The following ANKRD28 variants were observed in gnomAD, a reference collection of about 807,000 sequenced individuals.
ANKRD28 encodes the protein serine/threonine-protein phosphatase 6 regulatory ankyrin repeat subunit A.
ANKRD28 carries 44 observed loss-of-function variants against 126.5 expected under a neutral mutation model. The ratio of observed to expected loss-of-function variants is 0.35; its 90% CI spans 0.27 to 0.45. The LOEUF is 0.45. Among genes scored for constraint, ANKRD28 ranks in the 20% least tolerant of loss-of-function variants. The pLI is 1.00. For missense variants in ANKRD28, 1,110 were observed against 1,316.6 expected (o/e 0.84, Z 2.43); for synonymous variants, 442 against 468.5 (o/e 0.94, Z 0.73).
intron 4 of ANKRD28, among the ~76,000 whole-genome samples, chr3:15,743,165 T>A (rs532007233): frequency 2.6e-5 from 4 of 152,214 alleles, no homozygotes; most frequent in South Asian, 4.1e-4. Flanking sequence ...GTTAAACAGA[T>A]GCTTGAAGGC....
At chr3:15,809,934 C>A (rs1204713848) in intron 1 of ANKRD28, among the ~76,000 whole-genome samples, 1 of 152,144 alleles carries the variant, frequency 6.6e-6, no homozygotes, top group African/African-American at 2.4e-5. Context: ...TATGCCCTTG[C>A]AGATGCTGTT....
chr3:15,757,393 C>A (rs901815271), intron 3 of ANKRD28, among the ~76,000 whole-genome samples: 2 of 152,114 alleles, frequency 1.3e-5, no homozygotes, highest in South Asian at 4.1e-4. Context: ...CCTTATGATC[C>A]ATTTCCAGTT....
Position 15,669,144 on chromosome 3 carries a change from C to T in ANKRD28, c.*1126G>A, listed in dbSNP as rs1440479134. On this transcript the variant is annotated 3_prime_UTR_variant, in exon 28 of 28. Coordinates refer to ENST00000683139, the MANE Select transcript of ANKRD28 (RefSeq NM_001349278.2). ...GACCTAAGGCTTTAGTATTTTAAAT[C>T]TTGCCCAATACAGAAATGCCTTTCA... 3.9e-5 allele frequency: 6 copies of T among 152,184 alleles called. No homozygotes were observed. Among genetic ancestry groups the T allele is most frequent in the African/African-American group, 1.2e-4 (5 of 41,456 alleles). The allele number at this position is 152,184 out of a possible 1,614,324, so 9.4% of individuals were successfully genotyped here. A position where few individuals can be genotyped will look rare whatever the true frequency, so the allele number is the denominator to read the frequency against.
intron 2 of ANKRD28, among the ~76,000 whole-genome samples, chr3:15,777,897 CA>C (rs1559515227): frequency 2.7e-4 from 41 of 150,838 alleles, no homozygotes; most frequent in African/African-American, 8.6e-4. Context: ...CACACACACA[CA>C]CACACCCTCT....
At position 15,813,876 on chromosome 3, in the gene ANKRD28, TAAACCAAAGTTTGA is replaced by T. The variant is rs150528987; in HGVS notation, c.28-18584_28-18571del. Among the ~76,000 whole-genome samples the T allele has an allele frequency of 5.6e-3, 859 of 152,330 alleles. 7 individuals carry two copies. The highest frequency in any genetic ancestry group is 0.02 in the African/African-American group (819 of 41,582). On this transcript the variant is annotated intron_variant, in intron 1 of 27. Coordinates refer to the ANKRD28 transcript ENST00000399451. ...CTATGAGCAAAAGGATGCATACATC[TAAACCAAAGTTTGA>T]AAACCTTTAGTAATTTAGTATTTCA...
At position 15,760,905 on chromosome 3, in the gene ANKRD28, GC is replaced by G. The variant is rs1479558900; in HGVS notation, c.280+5328del. Reference sequence around the variant, plus strand: ...ATTGGTTTTCCACATCACTTAAAGGGCCAAGGCAACACAAAAGAGTGAAACC... The same window carrying G: ...ATTGGTTTTCCACATCACTTAAAGGGCAAGGCAACACAAAAGAGTGAAACC... On this transcript the variant is annotated intron_variant, in intron 3 of 27. Coordinates refer to ENST00000683139, the MANE Select transcript of ANKRD28 (RefSeq NM_001349278.2). Among the ~76,000 whole-genome samples, 5 of 152,082 alleles carry G rather than the reference GC, an allele frequency of 3.3e-5. No individual in the cohort carries two copies. In the East Asian group the frequency reaches 9.6e-4, roughly 29 times the overall value.
chr3:15,710,277 A>C (rs1003174854), intron 12 of ANKRD28, among the ~76,000 whole-genome samples: 2 of 151,878 alleles, frequency 1.3e-5, no homozygotes, highest in Non-Finnish European at 2.9e-5. Context: ...GGAGGAAAGG[A>C]TATAACTTAA....
intron 27 of ANKRD28, among the ~76,000 whole-genome samples, chr3:15,675,220 G>A (rs1022239061): frequency 3.3e-5 from 5 of 152,106 alleles, no homozygotes; most frequent in African/African-American, 9.7e-5. Flanking sequence ...GCAGTAAGCC[G>A]AGATCATGGC....
intron 1 of ANKRD28, chr3:15,859,292 G>T: frequency 6.7e-7 from 1 of 1,492,500 alleles, no homozygotes. Context: ...CGCCGAGCGG[G>T]CGTCCCAGCG....
chr3:15,707,046 A>G (rs1436145189), intron 14 of ANKRD28, among the ~76,000 whole-genome samples: 1 of 152,244 alleles, frequency 6.6e-6, no homozygotes, highest in African/African-American at 2.4e-5. Context: ...GTGAAGAATC[A>G]AATTATGCTT....
At chr3:15,775,180 G>C (rs1013894695) in intron 2 of ANKRD28, among the ~76,000 whole-genome samples, 1 of 152,132 alleles carries the variant, frequency 6.6e-6, no homozygotes, top group Non-Finnish European at 1.5e-5. Flanking sequence ...CCCGGCCCAG[G>C]AGATTTAACA....
At chr3:15,818,339 A>G (rs2060875848) in intron 1 of ANKRD28, among the ~76,000 whole-genome samples, 1 of 152,350 alleles carries the variant, frequency 6.6e-6, no homozygotes, top group Admixed American at 6.5e-5. Context: ...AATTCCACAA[A>G]TAAGTACTTA....
chr3:15,730,247 T>C (rs1265860626), intron 6 of ANKRD28, among the ~76,000 whole-genome samples: 1 of 152,134 alleles, frequency 6.6e-6, no homozygotes, highest in Non-Finnish European at 1.5e-5. Context: ...TTTCTAAAAG[T>C]ACTGAAAGCA....
intron 1 of ANKRD28, among the ~76,000 whole-genome samples, chr3:15,821,901 G>A (rs2060949089): frequency 6.6e-6 from 1 of 152,180 alleles, no homozygotes. Context: ...CATGCTTGGA[G>A]ATTCCTAGTA....
intron 9 of ANKRD28, 90 bp from the exon 10 acceptor site, chr3:15,713,731 A>G: frequency 4.2e-6 from 3 of 715,912 alleles, no homozygotes; most frequent in Non-Finnish European, 6.7e-6. Flanking sequence ...TGCTGTTCAC[A>G]TACAAACTAA....
intron 3 of ANKRD28, among the ~76,000 whole-genome samples, chr3:15,754,998 G>A (rs4684261): frequency 0.47 from 70,705 of 151,838 alleles, 19,418 homozygotes; most frequent in Non-Finnish European, 0.6. Context: ...GTGGGCGCCT[G>A]CAATCCAAGC....
chr3:15,835,321 A>T (rs1335807692), intron 1 of ANKRD28, among the ~76,000 whole-genome samples: 1 of 152,228 alleles, frequency 6.6e-6, no homozygotes, highest in Non-Finnish European at 1.5e-5. Flanking sequence ...CATGGTTCCC[A>T]TTCTACAAAC....
chr3:15,776,428 G>C (rs867877850), intron 2 of ANKRD28, among the ~76,000 whole-genome samples: 1 of 152,178 alleles, frequency 6.6e-6, no homozygotes, highest in Non-Finnish European at 1.5e-5. Flanking sequence ...AGTGGAATCA[G>C]GTCAATTTTT....
intron 10 of ANKRD28, among the ~76,000 whole-genome samples, chr3:15,712,823 T>C (rs1344580214): frequency 6.6e-6 from 1 of 152,194 alleles, no homozygotes; most frequent in East Asian, 1.9e-4. Context: ...TAAATTTCTA[T>C]CTAGATGGCT....
Sources: gnomAD v4.1 joint callset for allele counts (sites outside exome capture counted in the v4.1 genomes callset) on GRCh38, gnomAD v4.1.1 for gene constraint, MANE v1.5 for transcripts, NCBI Gene and HGNC (gene_info 2026-07-23, HGNC 2026-07-21) for gene names.